Variants in MAP3K3 observed in about 807,000 individuals in gnomAD.
The protein encoded by MAP3K3 is MAP/ERK kinase kinase 3.
Under a neutral mutation model 80.9 loss-of-function variants are expected in MAP3K3, and 12 were observed. That is an observed-to-expected ratio of 0.15 (90% CI 0.10 to 0.24). MAP3K3 has a LOEUF of 0.24. Ranked by LOEUF, MAP3K3 falls within the 10% of genes least tolerant of loss-of-function variation. MAP3K3 has a pLI of 1.00. For missense variants in MAP3K3, 596 were observed against 834.7 expected (o/e 0.71, Z 3.52); for synonymous variants, 272 against 307.1 (o/e 0.89, Z 1.19).
chr17:63,673,935 C>T (rs1365164354), intron 6 of MAP3K3, among the ~76,000 whole-genome samples: 7 of 151,992 alleles, frequency 4.6e-5, no homozygotes, highest in African/African-American at 1.5e-4. Context: ...TAAAAATTAT[C>T]CAGGTGTGGT....
intron 2 of MAP3K3, among the ~76,000 whole-genome samples, chr17:63,633,262 G>A (rs1452825062): frequency 6.6e-6 from 1 of 151,938 alleles, no homozygotes; most frequent in Admixed American, 6.6e-5. Flanking sequence ...ATGCCATGCA[G>A]TTATGGATCT....
intron 5 of MAP3K3, among the ~76,000 whole-genome samples, chr17:63,658,307 C>T (rs1394086720): frequency 1.3e-5 from 2 of 152,188 alleles, no homozygotes; most frequent in African/African-American, 4.8e-5. Context: ...ACCCAACTCC[C>T]ACAACACCTT....
At chr17:63,662,870 C>A (rs2034923664) in intron 5 of MAP3K3, among the ~76,000 whole-genome samples, 1 of 151,588 alleles carries the variant, frequency 6.6e-6, no homozygotes, top group African/African-American at 2.4e-5. Context: ...GGGCGGTCCT[C>A]ACCATGTTGG....
intron 1 of MAP3K3, among the ~76,000 whole-genome samples, chr17:63,626,273 T>C (rs889647627): frequency 1.3e-5 from 2 of 152,208 alleles, no homozygotes; most frequent in African/African-American, 4.8e-5. Flanking sequence ...GCCCTGTGCC[T>C]GTGTTATCCT....
At chr17:63,626,114 C>T (rs1372590897) in intron 1 of MAP3K3, among the ~76,000 whole-genome samples, 1 of 152,108 alleles carries the variant, frequency 6.6e-6, no homozygotes, top group Admixed American at 6.5e-5. Context: ...GAATTTTAGG[C>T]ATCTGTAAAA....
At chr17:63,676,151 C>G (rs1461494080) in intron 6 of MAP3K3, among the ~76,000 whole-genome samples, 5 of 152,200 alleles carry the variant, frequency 3.3e-5, no homozygotes, top group African/African-American at 1.2e-4. Context: ...GGCACATAGC[C>G]CATCAGATAA....
At chr17:63,629,191 C>T (rs1346421190) in intron 1 of MAP3K3, among the ~76,000 whole-genome samples, 1 of 151,782 alleles carries the variant, frequency 6.6e-6, no homozygotes, top group Non-Finnish European at 1.5e-5. Context: ...AGCGCTATCT[C>T]AGCTCACACC....
chr17:63,653,111 T>C (rs2034693270), intron 4 of MAP3K3, among the ~76,000 whole-genome samples: 1 of 152,216 alleles, frequency 6.6e-6, no homozygotes, highest in Non-Finnish European at 1.5e-5. Flanking sequence ...GATTGGAGCT[T>C]ATTTGTTTCA....
At chr17:63,690,588 C>T in intron 12 of MAP3K3, 176 bp downstream of exon 12, 2 of 662,346 alleles carry the variant, frequency 3.0e-6, no homozygotes, top group Non-Finnish European at 5.0e-6. Flanking sequence ...GTCTGAAGAG[C>T]ACCAAGCACC....
At chr17:63,641,661 C>T (rs774843454) in intron 2 of MAP3K3, among the ~76,000 whole-genome samples, 10 of 152,162 alleles carry the variant, frequency 6.6e-5, no homozygotes, top group Non-Finnish European at 1.5e-4. Context: ...GTGCTACATT[C>T]TTAACAACTA....
intron 2 of MAP3K3, among the ~76,000 whole-genome samples, chr17:63,640,459 A>C (rs990594169): frequency 2.6e-5 from 4 of 152,192 alleles, no homozygotes; most frequent in African/African-American, 9.7e-5. Flanking sequence ...TGTTATCTGC[A>C]GTTCTGAGAT....
At chr17:63,684,801 G>A (rs1249554709) in intron 7 of MAP3K3, among the ~76,000 whole-genome samples, 1 of 152,106 alleles carries the variant, frequency 6.6e-6, no homozygotes, top group Non-Finnish European at 1.5e-5. Context: ...CCTATGTAAT[G>A]TTTAATGTTG....
At chr17:63,688,421 C>G in intron 8 of MAP3K3, 106 bp from the exon 9 acceptor site, 1 of 869,354 alleles carries the variant, frequency 1.2e-6, no homozygotes, top group Non-Finnish European at 1.9e-6. Context: ...ATCTGCTTCC[C>G]CCACCTAATG....
At chr17:63,629,040 A>C (rs2034163961) in intron 1 of MAP3K3, among the ~76,000 whole-genome samples, 1 of 152,270 alleles carries the variant, frequency 6.6e-6, no homozygotes, top group South Asian at 2.1e-4. Context: ...GGAGAGAATA[A>C]ATGATTTGCT....
In MAP3K3 at chr17:63,691,274, G is replaced by C. The variant is rs1337860434; in HGVS notation, c.1344+41G>C. ...ATGCATGTGAGACACACACAAAAGA[G>C]GGCCTGACCTGGGGGCTGGGGCCTG... is the stretch of plus-strand genomic sequence containing the variant. On this transcript the variant is annotated intron_variant, in intron 13 of 15. Coordinates refer to ENST00000361733, the MANE Select transcript of MAP3K3 (RefSeq NM_002401.5). The surrounding 1 kb of genome is among the most constrained non-coding windows in gnomAD (Gnocchi z 4.8). 1 of 1,613,014 alleles carries C rather than the reference G, an allele frequency of 6.2e-7. No individual in the cohort carries two copies. The highest frequency in any genetic ancestry group is 1.1e-5 in the South Asian group (1 of 91,052).
chr17:63,691,980 G>A lies in MAP3K3; in HGVS notation c.1474+118G>A, dbSNP rs2035601974. The A allele has an allele frequency of 1.7e-6, 2 of 1,190,318 alleles. No individual in the cohort carries two copies. The highest frequency in any genetic ancestry group is 1.2e-6 in the Non-Finnish European group (1 of 835,234). The allele number at this position is 1,190,318 out of a possible 1,614,324, so 73.7% of individuals were successfully genotyped here. A position where few individuals can be genotyped will look rare whatever the true frequency, so the allele number is the denominator to read the frequency against. On this transcript the variant is annotated intron_variant, in intron 14 of 15. Transcript: ENST00000361733. The surrounding 1 kb of genome is among the most constrained non-coding windows in gnomAD (Gnocchi z 4.8). ...CTTTCTGAAAAGTGGGACCCCAGTT[G>A]TTTCCCTGAGGAACTGGTGAGATTG...
intron 6 of MAP3K3, 99 bp from the exon 7 acceptor site, chr17:63,681,667 A>G (rs958594776): frequency 1.1e-5 from 13 of 1,173,034 alleles, no homozygotes; most frequent in Non-Finnish European, 1.3e-5. Context: ...TCTGAGTCAC[A>G]TTCCTGACCT....
In MAP3K3 at chr17:63,693,901, C is replaced by G. The variant is rs188571578; in HGVS notation, c.*124C>G. Reference sequence around the variant, plus strand: ...GACCATGGAGTGGCAGCCCAGCCAGCGTCGGTCTGTGCCCCTTCCGCCACT... The same window carrying G: ...GACCATGGAGTGGCAGCCCAGCCAGGGTCGGTCTGTGCCCCTTCCGCCACT... On this transcript the variant is annotated 3_prime_UTR_variant, in exon 16 of 16. Transcript: ENST00000361733. This position sits in a 1 kb window ranked among gnomAD's most constrained non-coding sequence, Gnocchi z 4.2. 4 of 845,934 alleles carry G rather than the reference C, an allele frequency of 4.7e-6. No individual in the cohort carries two copies. Among genetic ancestry groups the G allele is most frequent in the Non-Finnish European group, 5.3e-6 (3 of 561,258 alleles). The allele number at this position is 845,934 out of a possible 1,614,324, so 52.4% of individuals were successfully genotyped here. A position where few individuals can be genotyped will look rare whatever the true frequency, so the allele number is the denominator to read the frequency against.
intron 2 of MAP3K3, among the ~76,000 whole-genome samples, chr17:63,636,185 A>C (rs1188024308): frequency 1.3e-5 from 2 of 152,226 alleles, no homozygotes; most frequent in African/African-American, 2.4e-5. Flanking sequence ...GCAAGACTTG[A>C]GACATCCTTT....
Sources: allele counts gnomAD v4.1 joint callset (sites outside exome capture counted in the v4.1 genomes callset), GRCh38; gene constraint gnomAD v4.1.1; non-coding constraint Gnocchi (gnomAD v3.1); transcripts MANE v1.5; gene names NCBI Gene and HGNC (gene_info 2026-07-23, HGNC 2026-07-21).